DVL2: variants seen among roughly 807,000 people sequenced by gnomAD.
DVL2 encodes the protein segment polarity protein dishevelled homolog DVL-2.
A neutral mutation model predicts 69.8 loss-of-function variants in DVL2; 38 were observed. The observed-to-expected ratio is 0.54, with a 90% CI of 0.42 to 0.71. The LOEUF (loss-of-function observed/expected upper bound fraction) is 0.71, where lower values mean the gene tolerates loss of function less well. Among genes scored for constraint, DVL2 ranks in the 30% least tolerant of loss-of-function variants. DVL2 has a pLI of 0.00. For missense variants in DVL2, 931 were observed against 1,008.1 expected, an observed-to-expected ratio of 0.92 and a Z score of 1.04; for synonymous variants, 428 against 392.4, an observed-to-expected ratio of 1.09 and a Z score of -1.07.
In DVL2 at chr17:7,229,057, G is replaced by C; in HGVS notation, c.958-12C>G. 6.2e-7 allele frequency: 1 copy of C among 1,614,098 alleles called. No homozygotes were observed. The highest frequency in any genetic ancestry group is 8.5e-7 in the Non-Finnish European group (1 of 1,180,024). On this transcript the variant is annotated splice_polypyrimidine_tract_variant and intron_variant, in intron 8 of 14. Coordinates refer to ENST00000005340, the MANE Select transcript of DVL2 (RefSeq NM_004422.3). This position sits in a 1 kb window ranked among gnomAD's most constrained non-coding sequence, Gnocchi z 4.4. The stretch of plus-strand genomic sequence containing the variant: ...TTCATGTCATTCACCTGGAAGCGAC[G>C]GCAAGTGGGTCAGAGACACGGTGGG...
chr17:7,233,318 T>G (rs956234858), intron 1 of DVL2, among the ~76,000 whole-genome samples: 1 of 152,034 alleles, frequency 6.6e-6, no homozygotes, highest in Admixed American at 6.5e-5. Context: ...TACGGCTGCC[T>G]GTGCTAGCAC....
Position 7,229,349 on chromosome 17 carries a change from C to T in DVL2, c.817+29G>A, listed in dbSNP as rs2071505408. The T allele has an allele frequency of 3.7e-6, 6 of 1,613,638 alleles. No individual in the cohort carries two copies. The highest frequency in any genetic ancestry group is 1.6e-4 in the Middle Eastern group (1 of 6,084). ...GGAACCCTAGAGACCAGGCCCTCCC[C>T]ACGCCCTAGCCACAGGCTCTCCCCA... On this transcript the variant is annotated intron_variant, in intron 7 of 14. Transcript: ENST00000005340. The surrounding 1 kb of genome is among the most constrained non-coding windows in gnomAD (Gnocchi z 4.4).
At chr17:7,233,936 C>T (rs1057503248) in intron 1 of DVL2, 133 bp downstream of exon 1, 9 of 948,868 alleles carry the variant, frequency 9.5e-6, no homozygotes, top group Middle Eastern at 2.2e-4. Context: ...GTCAACCTAC[C>T]TCAGCATAGT....
At chr17:7,228,607 G>A (rs1030330622) in intron 9 of DVL2, 3 of 220,196 alleles carry the variant, frequency 1.4e-5, no homozygotes, top group Non-Finnish European at 2.7e-5. Flanking sequence ...TTGAGACGGA[G>A]TCTTGCTCTG....
At chr17:7,227,031 G>A in intron 13 of DVL2, 59 bp downstream of exon 13, 2 of 1,525,700 alleles carry the variant, frequency 1.3e-6, no homozygotes, top group Non-Finnish European at 1.8e-6. Context: ...GTCTAGGGTT[G>A]GAGAGGCAGA....
In DVL2 at chr17:7,228,953, C is replaced by T. The variant is rs1237775749; in HGVS notation, c.1034+16G>A. 1 of 1,613,562 alleles carries T rather than the reference C, an allele frequency of 6.2e-7. No homozygotes were observed. The highest frequency in any genetic ancestry group is 2.2e-5 in the East Asian group (1 of 44,892). On this transcript the variant is annotated intron_variant, in intron 9 of 14. Transcript: ENST00000005340. ...AAAAAGAGGACTGAGGACCGGCAAC[C>T]TGCTTGGCAACTCACCCAGGCTTGT...
Position 7,226,030 on chromosome 17 carries a change from C to A in DVL2, c.2046G>T (p.Val682=). Residue 682 remains valine (V), a synonymous_variant, in exon 15 of 15, where the codon GTG becomes GTT. Transcript: ENST00000005340. The part of the protein sequence containing the change: ...GMALPYNPMM[V]VMMPPPPPPV... Reference sequence around the variant, plus strand: ...GAGGTGGAGGTGGGGGCATCATGACCACCATCATGGGGTTGTAGGGGAGGG... The same window carrying A: ...GAGGTGGAGGTGGGGGCATCATGACAACCATCATGGGGTTGTAGGGGAGGG... 6.2e-7 allele frequency: 1 copy of A among 1,612,076 alleles called. No homozygotes were observed.
chr17:7,230,167 G>A lies in DVL2; in HGVS notation c.411-12C>T. On this transcript the variant is annotated splice_polypyrimidine_tract_variant and intron_variant, in intron 3 of 14. Coordinates refer to ENST00000005340, the MANE Select transcript of DVL2 (RefSeq NM_004422.3). The stretch of plus-strand genomic sequence containing the variant: ...TGGACACATTAGGGCTGGACAGGCA[G>A]AGATGGTTTCCAACCCACATCAGGA... The A allele has an allele frequency of 6.2e-7, 1 of 1,613,316 alleles. No homozygotes were observed. The highest frequency in any genetic ancestry group is 8.5e-7 in the Non-Finnish European group (1 of 1,179,418).
In DVL2 at chr17:7,226,536, G is replaced by A. The variant is rs1421190711; in HGVS notation, c.1647C>T (p.Pro549=). The A allele has an allele frequency of 9.9e-6, 16 of 1,609,188 alleles. No individual in the cohort carries two copies. The highest frequency in any genetic ancestry group is 1.3e-5 in the African/African-American group (1 of 74,740). The part of the protein sequence containing the change: ...LPGATPWPLL[P]TFSYQYPAPH... ...GGGCAGGGTATTGGTAGGAGAAAGT[G>A]GGCAGCAGGGGCCAGGGGGTGGCCC... The change falls in exon 14 of 15, where the codon CCC becomes CCT. Residue 549 remains proline (P), a synonymous_variant. Coordinates refer to ENST00000005340, the MANE Select transcript of DVL2 (RefSeq NM_004422.3).
rs1597549467 is a variant in DVL2 at position 7,229,620 on chromosome 17, G to C, written c.715C>G (p.Arg239Gly). 1 of 1,552,068 alleles carries C rather than the reference G, an allele frequency of 6.4e-7. No homozygotes were observed. Among genetic ancestry groups the C allele is most frequent in the Non-Finnish European group, 8.7e-7 (1 of 1,150,734 alleles). ...AGGCGGGGTGGCCTCTGCTTCCTTCGCCGCCGGTGGCGCTTAAGGAGGCGG... is the reference window on the plus strand; with the variant it reads ...AGGCGGGGTGGCCTCTGCTTCCTTCCCCGCCGGTGGCGCTTAAGGAGGCGG... ...ASRLLKRHRR[R>G]RKQRPPRLER... Residue 239 changes from arginine to glycine, a missense_variant, in exon 6 of 15, where the codon CGA (arginine) becomes GGA (glycine). Transcript: ENST00000005340. This position sits in a 1 kb window ranked among gnomAD's most constrained non-coding sequence, Gnocchi z 4.4.
chr17:7,229,779 G>A lies in DVL2; in HGVS notation c.656+29C>T, dbSNP rs753769861. On this transcript the variant is annotated intron_variant, in intron 5 of 14. Transcript: ENST00000005340. This position sits in a 1 kb window ranked among gnomAD's most constrained non-coding sequence, Gnocchi z 4.4. ...ACTGGAAGACGAGACGGGGCTGGGT[G>A]CGCTGGGGAGAGCTGTGCGGAGCCA... is the stretch of plus-strand genomic sequence containing the variant. 8 of 1,598,428 alleles carry A rather than the reference G, an allele frequency of 5.0e-6. No individual in the cohort carries two copies. The highest frequency in any genetic ancestry group is 6.8e-6 in the Non-Finnish European group (8 of 1,168,854).
In DVL2 at chr17:7,227,761, G is replaced by T. The variant is rs1429317949; in HGVS notation, c.1125C>A (p.Asp375Glu). 1.9e-6 allele frequency: 3 copies of T among 1,585,382 alleles called. No individual in the cohort carries two copies. Among genetic ancestry groups the T allele is most frequent in the South Asian group, 2.3e-5 (2 of 87,860 alleles). ...CGGAATGGGACACCCAGGCAGCAGG[G>T]TCAATTGGCTGGATGGGCTCATCTG... ...LPRNEPIQPI[D>E]PAAWVSHSAA... Residue 375 changes from aspartate (D) to glutamate (E), a missense_variant, in exon 11 of 15, where the codon GAC (aspartate) becomes GAA (glutamate). Physicochemically the swap from Asp to Glu is conservative, Grantham distance 45. Transcript: ENST00000005340.
In DVL2 at chr17:7,228,076, AG is replaced by A. The variant is rs2071485571; in HGVS notation, c.1035-33del. 5.3e-6 allele frequency: 8 copies of A among 1,513,770 alleles called. No individual in the cohort carries two copies. In the African/African-American group the frequency reaches 8.4e-5, roughly 16 times the overall value. 93.8% of individuals were successfully genotyped at this position (1,513,770 alleles called of 1,614,324 possible). On this transcript the variant is annotated intron_variant, in intron 9 of 14. Transcript: ENST00000005340. ...GGAAGAGAAGTCCAGTCAAGGGCGC[AG>A]GGGAAGAGGAGGCCTCAGGAGGGCG...
At chr17:7,233,873 G>A in intron 1 of DVL2, 196 bp downstream of exon 1, 2 of 656,944 alleles carry the variant, frequency 3.0e-6, no homozygotes, top group South Asian at 3.6e-5. Context: ...GGATATCCTA[G>A]TCTGTCCGTG....
In DVL2 at chr17:7,234,076, C is replaced by A. The variant is rs2071594837; in HGVS notation, c.187G>T (p.Asp63Tyr). The change falls in exon 1 of 15, where the codon GAT becomes TAT. Residue 63 changes from aspartate (D) to tyrosine (Y), a missense_variant. By Grantham distance (160) the Asp-to-Tyr change is radical. Around this residue, in one of 3 missense-constraint regions of DVL2, gnomAD observed 555 missense variants for 588.8 expected, o/e 0.94. Transcript: ENST00000005340. ...TCTAGGCCTTGCGCTCACCCGAAATCCTGATCCATAGACTTGAAAAAGTAC... is the reference window on the plus strand; with the variant it reads ...TCTAGGCCTTGCGCTCACCCGAAATACTGATCCATAGACTTGAAAAAGTAC... The part of the protein sequence containing the change: ...AKYFFKSMDQ[D>Y]FGVVKEEISD... 6.2e-7 allele frequency: 1 copy of A among 1,614,088 alleles called. No individual in the cohort carries two copies. The highest frequency in any genetic ancestry group is 8.5e-7 in the Non-Finnish European group (1 of 1,180,046).
At chr17:7,234,002 G>T in intron 1 of DVL2, 67 bp downstream of exon 1, 1 of 1,537,926 alleles carries the variant, frequency 6.5e-7, no homozygotes, top group Non-Finnish European at 8.9e-7. Flanking sequence ...GTAGACGTGT[G>T]CCCCTCCATG....
At chr17:7,233,498 C>T (rs1244830773) in intron 1 of DVL2, among the ~76,000 whole-genome samples, 1 of 152,144 alleles carries the variant, frequency 6.6e-6, no homozygotes, top group Non-Finnish European at 1.5e-5. Flanking sequence ...GGCTGGAGTG[C>T]AGTGGCGCGA....
chr17:7,225,460 T>C lies in DVL2; in HGVS notation c.*405A>G. The C allele has an allele frequency of 2.3e-6, 1 of 431,142 alleles. No homozygotes were observed. The highest frequency in any genetic ancestry group is 2.3e-5 in the South Asian group (1 of 44,252). The allele number at this position is 431,142 out of a possible 1,614,324, so 26.7% of individuals were successfully genotyped here. On this transcript the variant is annotated 3_prime_UTR_variant, in exon 15 of 15. Transcript: ENST00000005340. ...TCCTCAGGCTGCTGTCTAGGATGCCTAACCCCGGGGTACCGCTGACCACCC... is the reference window on the plus strand; with the variant it reads ...TCCTCAGGCTGCTGTCTAGGATGCCCAACCCCGGGGTACCGCTGACCACCC...
rs1462629707 is a variant in DVL2 at position 7,230,796 on chromosome 17, C to T, written c.196G>A (p.Val66Met). The T allele has an allele frequency of 1.9e-6, 3 of 1,612,576 alleles. No individual in the cohort carries two copies. Among genetic ancestry groups the T allele is most frequent in the Non-Finnish European group, 2.5e-6 (3 of 1,179,186 alleles). Residue 66 changes from valine (V) to methionine (M), a missense_variant and splice_region_variant, in exon 2 of 15, where the codon GTG becomes ATG. By Grantham distance (21) the Val-to-Met change is conservative (BLOSUM62 1). Around this residue, in one of 3 missense-constraint regions of DVL2, gnomAD observed 555 missense variants for 588.8 expected, o/e 0.94. Transcript: ENST00000005340. ...TCATCTGAAATTTCTTCCTTCACCA[C>T]CCTGCCAAGCGACAAGGTAGAGGTC... ...FFKSMDQDFG[V>M]VKEEISDDNA... is the part of the protein sequence containing the mutation.
Sources: allele counts gnomAD v4.1 joint callset (sites outside exome capture counted in the v4.1 genomes callset), GRCh38; gene constraint gnomAD v4.1.1; regional missense constraint gnomAD v4.1.1; non-coding constraint Gnocchi (gnomAD v3.1); transcripts MANE v1.5; gene names NCBI Gene and HGNC (gene_info 2026-07-23, HGNC 2026-07-21).